Variants in GLRA2 observed in about 807,000 individuals in gnomAD.
GLRA2 encodes glycine receptor subunit alpha-2.
A neutral mutation model predicts 31.6 loss-of-function variants in GLRA2; 11 were observed. The observed-to-expected ratio is 0.35, with a 90% CI of 0.22 to 0.58. The LOEUF (loss-of-function observed/expected upper bound fraction) is 0.58, where lower values mean the gene tolerates loss of function less well. GLRA2 is among the 20% of genes least tolerant of loss of function. The pLI, the probability that GLRA2 is intolerant of heterozygous loss-of-function variation, is 0.84. For synonymous variants in GLRA2, 132 were observed against 134.0 expected, an observed-to-expected ratio of 0.99 and a Z score of 0.10; for missense variants, 212 against 351.8, an observed-to-expected ratio of 0.60 and a Z score of 3.18.
chrX:14,628,102 A>C (rs1220737442), intron 7 of GLRA2, among the ~76,000 whole-genome samples: 1 of 111,442 alleles, frequency 9.0e-6, no homozygotes, highest in African/African-American at 3.3e-5. Flanking sequence ...ACGTAAATTC[A>C]TTTTGGGGTA....
At chrX:14,622,553 G>A (rs2090533785) in intron 7 of GLRA2, among the ~76,000 whole-genome samples, 1 of 111,976 alleles carries the variant, frequency 8.9e-6, no homozygotes, top group Non-Finnish European at 1.9e-5. Flanking sequence ...AAGGGATCCA[G>A]TTTCAGCTTT....
Position 14,650,614 on chromosome X carries a change from G to A in GLRA2, c.931-40096G>A, listed in dbSNP as rs1348564540. 3.6e-5 allele frequency among the ~76,000 whole-genome samples: 4 copies of A among 110,663 alleles called. No homozygotes were observed. The East Asian group carries it at 1.1e-3, about 31-fold the overall frequency. On this transcript the variant is annotated intron_variant, in intron 7 of 8. Transcript: ENST00000218075. Reference sequence around the variant, plus strand: ...ATTCTAGCAGCAATCTATTTACCATGGACCAAAAAAAATGTAACTTGTGCA... The same window carrying A: ...ATTCTAGCAGCAATCTATTTACCATAGACCAAAAAAAATGTAACTTGTGCA...
At chrX:14,681,900 A>AT (rs1266813551) in intron 7 of GLRA2, among the ~76,000 whole-genome samples, 1 of 38,444 alleles carries the variant, frequency 2.6e-5, no homozygotes, top group African/African-American at 8.0e-5. Flanking sequence ...TCAAAAAAAA[A>AT]AAAAAAAAAA....
At chrX:14,498,744 C>A in the GLRA2 span, among the ~76,000 whole-genome samples, 2 of 111,071 alleles carry the variant, frequency 1.8e-5, no homozygotes, top group Admixed American at 9.6e-5. Flanking sequence ...ACTCATTAAT[C>A]AGCCTCTCTT....
intron 2 of GLRA2, among the ~76,000 whole-genome samples, chrX:14,566,769 C>T (rs1012758747): frequency 3.6e-5 from 4 of 111,356 alleles, no homozygotes; most frequent in Non-Finnish European, 5.7e-5. Flanking sequence ...GATCACCTCT[C>T]AGTTACAAAA....
chrX:14,469,855 A>G, the GLRA2 span, among the ~76,000 whole-genome samples: 1 of 110,565 alleles, frequency 9.0e-6, no homozygotes, highest in East Asian at 2.8e-4. Context: ...TAATAATTTA[A>G]AAAAAAACAA....
the GLRA2 span, among the ~76,000 whole-genome samples, chrX:14,486,816 G>T: frequency 1.8e-5 from 2 of 111,783 alleles, no homozygotes; most frequent in Non-Finnish European, 3.8e-5. Context: ...CTTCATCAAA[G>T]AATGCATACA....
chrX:14,490,915 A>C, the GLRA2 span, among the ~76,000 whole-genome samples: 2 of 111,926 alleles, frequency 1.8e-5, no homozygotes, highest in Admixed American at 1.9e-4. Context: ...CTCTGCACAT[A>C]AGAAGTACCC....
intron 7 of GLRA2, among the ~76,000 whole-genome samples, chrX:14,683,410 T>A (rs912632607): frequency 4.5e-5 from 5 of 111,970 alleles, no homozygotes; most frequent in African/African-American, 1.6e-4. Flanking sequence ...TTTTTTCTTG[T>A]AAATTTGTTT....
rs2029940267 is a variant in GLRA2, at chrX:14,545,329, G to T, written c.202+12957G>T. Among the ~76,000 whole-genome samples, 5 of 111,362 alleles carry T rather than the reference G, an allele frequency of 4.5e-5. No individual in the cohort carries two copies. The Admixed American group carries it at 4.8e-4, about 11-fold the overall frequency. On this transcript the variant is annotated intron_variant, in intron 2 of 8. Coordinates refer to ENST00000218075, the MANE Select transcript of GLRA2 (RefSeq NM_002063.4). ...AAGCAGAAGGGCAAGAGGGCATAAG[G>T]AAGAAGGGGAAGGGGACTGAATTCA...
intron 4 of GLRA2, among the ~76,000 whole-genome samples, chrX:14,588,825 T>C (rs1042598855): frequency 1.8e-5 from 2 of 111,227 alleles, no homozygotes; most frequent in African/African-American, 3.3e-5. Flanking sequence ...AAGTATTTCA[T>C]TTTTTTTGTA....
intron 4 of GLRA2, among the ~76,000 whole-genome samples, chrX:14,584,010 G>A (rs1362576427): frequency 9.0e-6 from 1 of 110,848 alleles, no homozygotes; most frequent in Admixed American, 9.6e-5. Context: ...GAATATATAT[G>A]GACACAAAGA....
the GLRA2 span, among the ~76,000 whole-genome samples, chrX:14,511,612 C>T: frequency 8.9e-6 from 1 of 111,899 alleles, no homozygotes; most frequent in African/African-American, 3.2e-5. Flanking sequence ...TTTGCATGTA[C>T]TATTCATCAT....
chrX:14,537,560 T>G (rs2089342712), intron 2 of GLRA2, among the ~76,000 whole-genome samples: 1 of 111,260 alleles, frequency 9.0e-6, no homozygotes, highest in Admixed American at 9.6e-5. Context: ...AAGAAATCCC[T>G]TGTCCAATAA....
rs2090447330 is a variant in GLRA2, at chrX:14,615,783, A to T, written c.930+6578A>T. The stretch of plus-strand genomic sequence containing the variant: ...ATTTCAAACATGCTTCACACATTTT[A>T]AACACGTTTCAAGTAAGAAACTTGT... On this transcript the variant is annotated intron_variant, in intron 7 of 8. Transcript: ENST00000218075. Among the ~76,000 whole-genome samples the T allele has an allele frequency of 2.7e-5, 3 of 111,981 alleles. No homozygotes were observed. In the South Asian group the frequency reaches 1.1e-3, roughly 42 times the overall value.
At chrX:14,494,633 C>T in the GLRA2 span, among the ~76,000 whole-genome samples, 37 of 111,169 alleles carry the variant, frequency 3.3e-4, no homozygotes, top group African/African-American at 1.1e-3. Flanking sequence ...GTGTTTCCTA[C>T]GACTAGGGAC....
At chrX:14,724,363 C>A (rs1390816770) in intron 8 of GLRA2, among the ~76,000 whole-genome samples, 1 of 110,426 alleles carries the variant, frequency 9.1e-6, no homozygotes, top group Non-Finnish European at 1.9e-5. Flanking sequence ...TGGTGGCTCA[C>A]ACCTGTAATC....
upstream of GLRA2, among the ~76,000 whole-genome samples, chrX:14,525,548 G>A (rs992765496): frequency 1.8e-5 from 2 of 111,342 alleles, no homozygotes; most frequent in Non-Finnish European, 3.8e-5. Flanking sequence ...TGTAACATAT[G>A]TGTTTATGTA....
chrX:14,490,464 T>A, the GLRA2 span, among the ~76,000 whole-genome samples: 19 of 112,255 alleles, frequency 1.7e-4, no homozygotes, highest in Admixed American at 1.4e-3. Context: ...AATAGTACAA[T>A]CTGATATGTA....
Sources: gnomAD v4.1 joint callset for allele counts (sites outside exome capture counted in the v4.1 genomes callset) on GRCh38, gnomAD v4.1.1 for gene constraint, MANE v1.5 for transcripts, NCBI Gene and HGNC (gene_info 2026-07-23, HGNC 2026-07-21) for gene names.